The following DOCK8 variants were observed in gnomAD, a reference collection of about 807,000 sequenced individuals.
The protein encoded by DOCK8 is dedicator of cytokinesis 8, also known as dedicator of cytokinesis protein 8.
DOCK8 carries 141 observed loss-of-function variants against 245.6 expected under a neutral mutation model. The observed-to-expected ratio is 0.57, with a 90% CI of 0.50 to 0.66. The LOEUF is 0.66. Among genes scored for constraint, DOCK8 ranks in the 30% least tolerant of loss-of-function variants. The probability of loss-of-function intolerance (pLI) is 0.00; values close to 1 mark genes in which losing one functional copy is unlikely to be tolerated. For synonymous variants in DOCK8, 1,168 were observed against 970.2 expected (o/e 1.20, Z -3.79); for missense variants, 2,965 against 2,603.4 (o/e 1.14, Z -3.02).
At chr9:297,847 C>G (rs2049332057) in intron 4 of DOCK8, among the ~76,000 whole-genome samples, 1 of 152,198 alleles carries the variant, frequency 6.6e-6, no homozygotes, top group African/African-American at 2.4e-5. Context: ...GCTCTGGTTT[C>G]AAACACACAG....
At chr9:347,918 G>C (rs1388050951) in intron 14 of DOCK8, among the ~76,000 whole-genome samples, 2 of 152,288 alleles carry the variant, frequency 1.3e-5, no homozygotes, top group African/African-American at 4.8e-5. Context: ...TCTAGATTCA[G>C]ACACACGACT....
chr9:428,296 G>T, intron 34 of DOCK8, 66 bp from the exon 35 acceptor site: 2 of 1,611,910 alleles, frequency 1.2e-6, no homozygotes, highest in Non-Finnish European at 1.7e-6. Context: ...TGAGCTAATT[G>T]TCAGGAACAT....
intron 15 of DOCK8, chr9:368,634 TG>T (rs1182450750): frequency 4.7e-5 from 8 of 171,892 alleles, no homozygotes; most frequent in Non-Finnish European, 9.9e-5. Context: ...ATCTTTGTTC[TG>T]AGGCAAAATA....
intron 40 of DOCK8, 102 bp downstream of exon 40, chr9:439,490 C>T (rs2057017643): frequency 6.6e-7 from 1 of 1,503,778 alleles, no homozygotes; most frequent in African/African-American, 1.4e-5. Flanking sequence ...GCCCCACTTC[C>T]CGAGGACACG....
At chr9:443,149 G>C (rs1406274231) in intron 42 of DOCK8, among the ~76,000 whole-genome samples, 1 of 152,202 alleles carries the variant, frequency 6.6e-6, no homozygotes, top group African/African-American at 2.4e-5. Context: ...GAAGTAAAGA[G>C]TGTGATACCC....
At chr9:399,968 C>G (rs1292699729) in intron 26 of DOCK8, among the ~76,000 whole-genome samples, 1 of 151,256 alleles carries the variant, frequency 6.6e-6, no homozygotes, top group Non-Finnish European at 1.5e-5. Context: ...CTATCACCAC[C>G]TTCTCCACCA....
At chr9:304,136 A>G (rs796972774) in intron 4 of DOCK8, among the ~76,000 whole-genome samples, 8 of 152,306 alleles carry the variant, frequency 5.3e-5, no homozygotes, top group African/African-American at 1.9e-4. Context: ...TTTCTTAACC[A>G]TGTCCCGCCT....
At chr9:332,008 G>A (rs16930721) in intron 9 of DOCK8, among the ~76,000 whole-genome samples, 39,402 of 151,974 alleles carry the variant, frequency 0.26, 5,451 homozygotes, top group African/African-American at 0.35. Flanking sequence ...CACTTCCTAC[G>A]TATGTCTCCT....
At chr9:338,341 C>A (rs2051415946) in intron 12 of DOCK8, among the ~76,000 whole-genome samples, 1 of 152,148 alleles carries the variant, frequency 6.6e-6, no homozygotes, top group Non-Finnish European at 1.5e-5. Context: ...GGCGCCTGTG[C>A]ACCGTGCCAC....
In DOCK8 at chr9:259,576, C is replaced by T. The variant is rs564184570; in HGVS notation, c.54-12051C>T. ...TAGGGATGATAAACCTGGTTCATAG[C>T]ATTGCTGTGTGGATTCACTGAGGTG... On this transcript the variant is annotated intron_variant, in intron 1 of 47. Transcript: ENST00000432829. Among the ~76,000 whole-genome samples the T allele has an allele frequency of 9.2e-5, 14 of 152,288 alleles. No homozygotes were observed. The South Asian group carries it at 1.4e-3, about 16-fold the overall frequency.
intron 29 of DOCK8, among the ~76,000 whole-genome samples, chr9:417,115 C>T (rs1198527071): frequency 6.6e-6 from 1 of 151,996 alleles, no homozygotes; most frequent in South Asian, 2.1e-4. Flanking sequence ...GCCAACATGG[C>T]GAAACCCTGT....
At chr9:313,313 A>G (rs1215507069) in intron 6 of DOCK8, among the ~76,000 whole-genome samples, 1 of 152,208 alleles carries the variant, frequency 6.6e-6, no homozygotes, top group Admixed American at 6.5e-5. Context: ...TCATTTTGTA[A>G]CTAACTCTCT....
At chr9:295,075 G>A (rs1358291943) in intron 4 of DOCK8, among the ~76,000 whole-genome samples, 2 of 151,962 alleles carry the variant, frequency 1.3e-5, no homozygotes, top group Non-Finnish European at 2.9e-5. Context: ...CAGGAGAATC[G>A]CTTGAACCTG....
At chr9:212,877 T>C (rs1417560977), upstream of DOCK8, 1 of 152,238 alleles carries the variant, frequency 6.6e-6, no homozygotes, top group Non-Finnish European at 1.5e-5. Context: ...TTTTGTTCTA[T>C]ATGAAAATGT....
At chr9:291,538 G>C (rs1488234860) in intron 4 of DOCK8, among the ~76,000 whole-genome samples, 1 of 151,936 alleles carries the variant, frequency 6.6e-6, no homozygotes, top group Non-Finnish European at 1.5e-5. Flanking sequence ...TATTAAATAT[G>C]CTTCCTCAAT....
intron 1 of DOCK8, among the ~76,000 whole-genome samples, chr9:233,642 C>T (rs1018758216): frequency 6.6e-6 from 1 of 152,070 alleles, no homozygotes; most frequent in African/African-American, 2.4e-5. Flanking sequence ...ATCCCTTTAC[C>T]ATTATGTAAT....
intron 1 of DOCK8, among the ~76,000 whole-genome samples, chr9:258,172 G>T (rs980834598): frequency 6.6e-6 from 1 of 152,202 alleles, no homozygotes; most frequent in African/African-American, 2.4e-5. Context: ...TATAGCAAAG[G>T]CATGTGTATT....
At chr9:429,648 G>GA in intron 35 of DOCK8, 54 bp from the exon 36 acceptor site, 1 of 1,609,108 alleles carries the variant, frequency 6.2e-7, no homozygotes. Context: ...CAACGGTCCA[G>GA]AAAGTGTATC....
intron 1 of DOCK8, among the ~76,000 whole-genome samples, chr9:240,143 G>T (rs1486030866): frequency 1.3e-5 from 2 of 152,146 alleles, no homozygotes; most frequent in South Asian, 2.1e-4. Context: ...AAAGGTTAAA[G>T]ATATTTTTAC....
Sources: gnomAD v4.1 joint callset for allele counts (sites outside exome capture counted in the v4.1 genomes callset) on GRCh38, gnomAD v4.1.1 for gene constraint, MANE v1.5 for transcripts, NCBI Gene and HGNC (gene_info 2026-07-23, HGNC 2026-07-21) for gene names.